CACNA2D1: variants seen among roughly 807,000 people sequenced by gnomAD.
CACNA2D1 encodes calcium voltage-gated channel auxiliary subunit alpha2delta 1, also known as voltage-dependent calcium channel subunit alpha-2/delta-1.
A neutral mutation model predicts 171.5 loss-of-function variants in CACNA2D1; 53 were observed. That is an observed-to-expected ratio of 0.31 (90% confidence interval 0.25 to 0.39). The LOEUF is 0.39. CACNA2D1 is among the 10% of genes least tolerant of loss of function. CACNA2D1 has a pLI of 1.00. For missense variants in CACNA2D1, 903 were observed against 1,299.8 expected (o/e 0.69, Z 4.69); for synonymous variants, 442 against 443.1 (o/e 1.00, Z 0.03).
intron 1 of CACNA2D1, among the ~76,000 whole-genome samples, chr7:82,430,092 A>G (rs929599740): frequency 6.6e-6 from 1 of 152,192 alleles, no homozygotes; most frequent in East Asian, 1.9e-4. Context: ...ATTCTTTTCT[A>G]TGGCAAATGT....
chr7:82,405,510 G>A (rs1442126685), intron 1 of CACNA2D1, among the ~76,000 whole-genome samples: 3 of 152,140 alleles, frequency 2.0e-5, no homozygotes, highest in Non-Finnish European at 4.4e-5. Flanking sequence ...GGAGGCTACT[G>A]AGTAGGAAAA....
At chr7:82,303,093 A>G (rs1813241721) in intron 3 of CACNA2D1, among the ~76,000 whole-genome samples, 1 of 152,080 alleles carries the variant, frequency 6.6e-6, no homozygotes, top group South Asian at 2.1e-4. Flanking sequence ...TCCTGGGTTC[A>G]TGCCATTCTC....
intron 3 of CACNA2D1, among the ~76,000 whole-genome samples, chr7:82,183,477 A>G (rs1306763367): frequency 6.6e-6 from 1 of 152,196 alleles, no homozygotes; most frequent in African/African-American, 2.4e-5. Context: ...AAAATTTTGT[A>G]CAATTAAGAA....
At chr7:82,291,243 A>G (rs1049872510) in intron 3 of CACNA2D1, among the ~76,000 whole-genome samples, 6 of 138,642 alleles carry the variant, frequency 4.3e-5, no homozygotes, top group African/African-American at 1.6e-4. Flanking sequence ...TATTCTATAT[A>G]TAATATATAT....
chr7:81,959,668 A>C lies in CACNA2D1; in HGVS notation c.3076+52T>G, dbSNP rs373753294. The C allele has an allele frequency of 1.7e-5, 26 of 1,545,570 alleles. No individual in the cohort carries two copies. The East Asian group carries it at 5.2e-4, about 31-fold the overall frequency. On this transcript the variant is annotated intron_variant, in intron 37 of 38. Transcript: ENST00000356860. Reference sequence around the variant, plus strand: ...AATATAAACAATGTGACAAGATTCAAAATGCATTAAGATGGTTTTCCTTTC... The same window carrying C: ...AATATAAACAATGTGACAAGATTCACAATGCATTAAGATGGTTTTCCTTTC...
intron 1 of CACNA2D1, among the ~76,000 whole-genome samples, chr7:82,369,252 GTAGGAAT>G (rs1563441155): frequency 2.0e-5 from 3 of 151,948 alleles, no homozygotes; most frequent in Non-Finnish European, 4.4e-5. Context: ...TTAATACATA[GTAGGAAT>G]TCATTAAGTG....
At chr7:82,064,459 G>T in intron 8 of CACNA2D1, 105 bp from the exon 9 acceptor site, 1 of 753,732 alleles carries the variant, frequency 1.3e-6, no homozygotes, top group Non-Finnish European at 2.3e-6. Flanking sequence ...TTTTCCCCAA[G>T]CAAAGACCCA....
chr7:82,368,545 G>A (rs1251586749), intron 1 of CACNA2D1, among the ~76,000 whole-genome samples: 8 of 152,046 alleles, frequency 5.3e-5, no homozygotes, highest in Non-Finnish European at 7.4e-5. Flanking sequence ...AAATTTTTGA[G>A]ACTATTAGTT....
At chr7:82,165,857 T>C (rs575246079) in intron 4 of CACNA2D1, among the ~76,000 whole-genome samples, 1 of 152,156 alleles carries the variant, frequency 6.6e-6, no homozygotes, top group Non-Finnish European at 1.5e-5. Context: ...AAAGACTAAA[T>C]AAAGCCAGAG....
At chr7:82,216,292 C>A (rs1463682702) in intron 3 of CACNA2D1, among the ~76,000 whole-genome samples, 1 of 152,082 alleles carries the variant, frequency 6.6e-6, no homozygotes, top group Non-Finnish European at 1.5e-5. Flanking sequence ...AATTAGAGCC[C>A]ACCAAAACAA....
chr7:82,045,168 A>C (rs2131266268), intron 10 of CACNA2D1, among the ~76,000 whole-genome samples: 1 of 152,272 alleles, frequency 6.6e-6, no homozygotes, highest in East Asian at 1.9e-4. Context: ...ACTTTCCAAA[A>C]ATTTTGTGCC....
chr7:82,000,833 G>T (rs938918274), intron 18 of CACNA2D1, among the ~76,000 whole-genome samples: 30 of 93,660 alleles, frequency 3.2e-4, no homozygotes, highest in African/African-American at 1.1e-3. Context: ...GTTTCACTAT[G>T]TTGGCCTGGC....
intron 3 of CACNA2D1, among the ~76,000 whole-genome samples, chr7:82,289,275 AC>A (rs1469146685): frequency 6.6e-6 from 1 of 152,184 alleles, no homozygotes; most frequent in Non-Finnish European, 1.5e-5. Context: ...ATAATTTAGT[AC>A]AAACATCTTT....
At chr7:82,073,709 TCC>T (rs1808603793) in intron 7 of CACNA2D1, among the ~76,000 whole-genome samples, 1 of 152,192 alleles carries the variant, frequency 6.6e-6, no homozygotes, top group African/African-American at 2.4e-5. Context: ...CAAGTGATTC[TCC>T]TGCCTCAGCC....
At chr7:82,420,199 C>T (rs1828587844) in intron 1 of CACNA2D1, among the ~76,000 whole-genome samples, 1 of 152,160 alleles carries the variant, frequency 6.6e-6, no homozygotes, top group African/African-American at 2.4e-5. Context: ...TTCTCTGATA[C>T]GATTCTCCTA....
chr7:82,362,957 T>TCAGAAAG (rs1314276426), intron 1 of CACNA2D1, among the ~76,000 whole-genome samples: 1 of 152,146 alleles, frequency 6.6e-6, no homozygotes, highest in Non-Finnish European at 1.5e-5. Context: ...GCACAAACTG[T>TCAGAAAG]CAGAAAGTTC....
intron 20 of CACNA2D1, among the ~76,000 whole-genome samples, chr7:81,994,232 C>A (rs914089678): frequency 6.6e-6 from 1 of 152,044 alleles, no homozygotes; most frequent in Non-Finnish European, 1.5e-5. Flanking sequence ...TGTATGTACT[C>A]CACATCTGAC....
At chr7:82,126,081 T>A (rs1471221968) in intron 5 of CACNA2D1, among the ~76,000 whole-genome samples, 1 of 152,220 alleles carries the variant, frequency 6.6e-6, no homozygotes, top group Non-Finnish European at 1.5e-5. Context: ...TGTGTTAATC[T>A]AATCTTTATA....
chr7:81,964,053 T>C lies in CACNA2D1; in HGVS notation c.2780+3A>G. The stretch of plus-strand genomic sequence containing the variant: ...TACCAATAAAACTAAAATTTTGACT[T>C]ACCAGGCAGCAGCAGTGGCCCACCA... On this transcript the variant is annotated splice_donor_region_variant and intron_variant, in intron 34 of 38. Coordinates refer to ENST00000356860, the MANE Select transcript of CACNA2D1 (RefSeq NM_000722.4). The C allele has an allele frequency of 6.2e-7, 1 of 1,611,244 alleles. No homozygotes were observed. Among genetic ancestry groups the C allele is most frequent in the Non-Finnish European group, 8.5e-7 (1 of 1,178,114 alleles).
Sources: gnomAD v4.1 joint callset for allele counts (sites outside exome capture counted in the v4.1 genomes callset) on GRCh38, gnomAD v4.1.1 for gene constraint, MANE v1.5 for transcripts, NCBI Gene and HGNC (gene_info 2026-07-23, HGNC 2026-07-21) for gene names.